The following IL22RA2 variants were observed in gnomAD, a reference collection of about 807,000 sequenced individuals.
IL22RA2 encodes interleukin-22 receptor subunit alpha-2.
In IL22RA2, 39 loss-of-function variants were observed where a neutral mutation model predicts 30.7. The observed-to-expected ratio is 1.27, with a 90% confidence interval of 0.98 to 1.66. The LOEUF (loss-of-function observed/expected upper bound fraction) is 1.66, where lower values mean the gene tolerates loss of function less well. Among genes scored for constraint, IL22RA2 ranks in the 40% most tolerant of loss-of-function variants. IL22RA2 has a pLI of 0.00. For synonymous variants in IL22RA2, 103 were observed against 105.0 expected, an observed-to-expected ratio of 0.98 and a Z score of 0.11; for missense variants, 315 against 312.7, an observed-to-expected ratio of 1.01 and a Z score of -0.05.
At chr6:137,169,816 C>T (rs929950626) in intron 1 of IL22RA2, among the ~76,000 whole-genome samples, 3 of 152,184 alleles carry the variant, frequency 2.0e-5, no homozygotes, top group Admixed American at 1.3e-4. Context: ...TATGTTTTAG[C>T]TTCAGAAGGG....
At chr6:137,170,481 G>T (rs1051948525) in intron 1 of IL22RA2, among the ~76,000 whole-genome samples, 1 of 152,114 alleles carries the variant, frequency 6.6e-6, no homozygotes, top group Non-Finnish European at 1.5e-5. Context: ...TGACTGCAGG[G>T]TCACAAGACT....
chr6:137,168,391 T>A (rs976019351), intron 1 of IL22RA2, among the ~76,000 whole-genome samples: 1 of 152,050 alleles, frequency 6.6e-6, no homozygotes, highest in Non-Finnish European at 1.5e-5. Context: ...GAAACTGGGG[T>A]CAGTAAACTT....
chr6:137,168,225 A>G (rs1448305264), intron 1 of IL22RA2, among the ~76,000 whole-genome samples: 1 of 152,190 alleles, frequency 6.6e-6, no homozygotes, highest in Non-Finnish European at 1.5e-5. Context: ...GGACTCATAC[A>G]GGAACTTGTT....
intron 5 of IL22RA2, among the ~76,000 whole-genome samples, chr6:137,149,599 G>A (rs1189867107): frequency 6.6e-6 from 1 of 152,168 alleles, no homozygotes; most frequent in African/African-American, 2.4e-5. Context: ...TCGGTCTCCT[G>A]TAGACTATTA....
In IL22RA2 at chr6:137,170,211, T is replaced by C. The variant is rs1410068853; in HGVS notation, c.-66+3202A>G. Among the ~76,000 whole-genome samples the C allele has an allele frequency of 3.3e-5, 5 of 152,294 alleles. No individual in the cohort carries two copies. In the East Asian group the frequency reaches 5.8e-4, roughly 18 times the overall value. The stretch of plus-strand genomic sequence containing the variant: ...AAGAAGAAATAGCTAACTGTGGTGC[T>C]CTTTATTAATCTACATTTGTGTCGA... On this transcript the variant is annotated intron_variant, in intron 1 of 6. Coordinates refer to ENST00000296980, the MANE Select transcript of IL22RA2 (RefSeq NM_052962.3).
In IL22RA2 at chr6:137,145,733, A is replaced by G. The variant is rs377061506; in HGVS notation, c.683T>C (p.Ile228Thr). 2.3e-5 allele frequency: 37 copies of G among 1,613,952 alleles called. No homozygotes were observed. In the African/African-American group the frequency reaches 4.1e-4, roughly 18 times the overall value. ...GCTGGAGTGTGGTGTTAGAGCTTCAATTTCAACCGCTCTGTGAGCCCCTTC... is the reference window on the plus strand; with the variant it reads ...GCTGGAGTGTGGTGTTAGAGCTTCAGTTTCAACCGCTCTGTGAGCCCCTTC... ...VYEGAHRAVE[I>T]EALTPHSSYC... The change falls in exon 7 of 7, where the codon ATT becomes ACT. Residue 228 changes from isoleucine to threonine, a missense_variant. Coordinates refer to ENST00000296980, the MANE Select transcript of IL22RA2 (RefSeq NM_052962.3).
intron 1 of IL22RA2, among the ~76,000 whole-genome samples, chr6:137,172,325 A>G (rs186702908): frequency 1.2e-4 from 18 of 152,318 alleles, no homozygotes; most frequent in African/African-American, 4.1e-4. Context: ...CATATTTAAG[A>G]ACTGAATTCT....
intron 1 of IL22RA2, among the ~76,000 whole-genome samples, chr6:137,162,226 G>A (rs1362239937): frequency 9.2e-5 from 14 of 152,112 alleles, no homozygotes; most frequent in Admixed American, 6.5e-4. Flanking sequence ...TGCAGCTATC[G>A]GGGCCCCTGG....
chr6:137,151,525 A>T (rs28741419), intron 5 of IL22RA2, among the ~76,000 whole-genome samples: 27 of 152,364 alleles, frequency 1.8e-4, no homozygotes, highest in African/African-American at 6.0e-4. Context: ...ATGACACCAA[A>T]AGCACAAGCA....
At chr6:137,158,980 A>G (rs1778466158) in intron 2 of IL22RA2, among the ~76,000 whole-genome samples, 1 of 152,122 alleles carries the variant, frequency 6.6e-6, no homozygotes, top group Non-Finnish European at 1.5e-5. Context: ...GCTTCCAGGT[A>G]GGTCTGCCTT....
chr6:137,148,589 C>A (rs1778225839), intron 5 of IL22RA2, among the ~76,000 whole-genome samples: 1 of 152,100 alleles, frequency 6.6e-6, no homozygotes, highest in African/African-American at 2.4e-5. Context: ...CCTTTGATTT[C>A]CGTTTACTTT....
At chr6:137,156,053 C>G (rs929119297) in intron 4 of IL22RA2, among the ~76,000 whole-genome samples, 1 of 152,058 alleles carries the variant, frequency 6.6e-6, no homozygotes, top group African/African-American at 2.4e-5. Context: ...TTGACGGGAA[C>G]TTTTATTGAG....
intron 3 of IL22RA2, among the ~76,000 whole-genome samples, chr6:137,157,442 G>T (rs201109663): frequency 6.7e-6 from 1 of 150,130 alleles, no homozygotes; most frequent in African/African-American, 2.5e-5. Context: ...GAGAGAAGTC[G>T]TAGCGGTTAA....
chr6:137,161,415 GGA>G (rs376885215), intron 2 of IL22RA2, among the ~76,000 whole-genome samples: 6 of 151,064 alleles, frequency 4.0e-5, no homozygotes, highest in African/African-American at 1.2e-4. Flanking sequence ...AGGGAGGGAA[GGA>G]GAGAGAGAGA....
In IL22RA2 at chr6:137,154,948, C is replaced by T. The variant is rs148832487; in HGVS notation, c.465G>A (p.Trp155Ter). 9.9e-6 allele frequency: 16 copies of T among 1,613,910 alleles called. No individual in the cohort carries two copies. The highest frequency in any genetic ancestry group is 1.3e-5 in the African/African-American group (1 of 74,896). ...AAACTCCATGGAACTCACTTTCCCA[C>T]CAGGGAGTGAACCGCGGCGTCATGC... The part of the protein sequence containing the change: ...EWSMTPRFTP[W>*]WETKIDPPVM... Residue 155 changes from tryptophan (W) to a stop codon, truncating the protein, a stop_gained, in exon 5 of 7, where the codon TGG becomes TGA. Coordinates refer to ENST00000296980, the MANE Select transcript of IL22RA2 (RefSeq NM_052962.3). LOFTEE classifies it high-confidence loss of function.
rs146286698 is a variant in IL22RA2 at position 137,145,777 on chromosome 6, C to T, written c.643-4G>A. On this transcript the variant is annotated splice_region_variant and splice_polypyrimidine_tract_variant and intron_variant, in intron 6 of 6. Coordinates refer to ENST00000296980, the MANE Select transcript of IL22RA2 (RefSeq NM_052962.3). ...CCCCTTCATAAACCTTTTGCTCCTA[C>T]ACACGAGAGAGAAAATAATCAGTTG... 14 of 1,613,668 alleles carry T rather than the reference C, an allele frequency of 8.7e-6. No homozygotes were observed. In the East Asian group the frequency reaches 8.9e-5, roughly 10 times the overall value.
At chr6:137,160,051 A>G (rs1778489739) in intron 2 of IL22RA2, among the ~76,000 whole-genome samples, 1 of 152,232 alleles carries the variant, frequency 6.6e-6, no homozygotes, top group Non-Finnish European at 1.5e-5. Flanking sequence ...TCTTGGAAAG[A>G]GTCTACAGCC....
intron 5 of IL22RA2, among the ~76,000 whole-genome samples, chr6:137,148,303 T>C (rs1778220722): frequency 6.6e-6 from 1 of 152,178 alleles, no homozygotes; most frequent in South Asian, 2.1e-4. Context: ...GGGCTCAAAC[T>C]CCTGTACTCA....
At chr6:137,169,268 T>C (rs28741403) in intron 1 of IL22RA2, among the ~76,000 whole-genome samples, 12,075 of 152,290 alleles carry the variant, frequency 0.079, 1,172 homozygotes, top group African/African-American at 0.23. Context: ...GCTTTATAGA[T>C]GATTCCTCTG....
Sources: allele counts gnomAD v4.1 joint callset (sites outside exome capture counted in the v4.1 genomes callset), GRCh38; gene constraint gnomAD v4.1.1; transcripts MANE v1.5; gene names NCBI Gene and HGNC (gene_info 2026-07-23, HGNC 2026-07-21).